NBEA: variants seen among roughly 807,000 people sequenced by gnomAD.
NBEA encodes the protein lysosomal-trafficking regulator 2.
In NBEA, 44 loss-of-function variants were observed where a neutral mutation model predicts 343.4. The ratio of observed to expected loss-of-function variants is 0.13; its 90% CI spans 0.10 to 0.16. NBEA has a LOEUF of 0.16. Among genes scored for constraint, NBEA ranks in the 10% least tolerant of loss-of-function variants. The probability of loss-of-function intolerance (pLI) is 1.00; values close to 1 mark genes in which losing one functional copy is unlikely to be tolerated. For missense variants in NBEA, 2,555 were observed against 3,631.3 expected (o/e 0.70, Z 7.62); for synonymous variants, 1,175 against 1,238.7 (o/e 0.95, Z 1.08).
chr13:35,124,497 TAC>T lies in NBEA; in HGVS notation c.2336+944_2336+945del, dbSNP rs375090464. Among the ~76,000 whole-genome samples, 642 of 145,956 alleles carry T rather than the reference TAC, an allele frequency of 4.4e-3. 1 individual carries two copies. The highest frequency in any genetic ancestry group is 8.6e-3 in the East Asian group (43 of 4,972). ...AGAAAAGGATATATATGTGTGTGTA[TAC>T]ACACACACACACACACACACGGATA... On this transcript the variant is annotated intron_variant, in intron 17 of 58. Coordinates refer to ENST00000379939, the MANE Select transcript of NBEA (RefSeq NM_001385012.1).
At chr13:35,351,854 T>G (rs1327604628) in intron 37 of NBEA, among the ~76,000 whole-genome samples, 1 of 152,084 alleles carries the variant, frequency 6.6e-6, no homozygotes, top group Non-Finnish European at 1.5e-5. Context: ...CAAGTAGGTT[T>G]ACATTTATAG....
chr13:35,263,789 G>A (rs964149134), intron 34 of NBEA, among the ~76,000 whole-genome samples: 5 of 151,816 alleles, frequency 3.3e-5, no homozygotes, highest in African/African-American at 1.2e-4. Flanking sequence ...GATCTCAGAG[G>A]GAATTTTACA....
chr13:35,356,849 T>C (rs1365316836), intron 38 of NBEA, among the ~76,000 whole-genome samples: 1 of 152,152 alleles, frequency 6.6e-6, no homozygotes, highest in Non-Finnish European at 1.5e-5. Flanking sequence ...CTGCATGATA[T>C]ACTCAGATAG....
At chr13:35,026,772 T>C (rs2062033075) in intron 1 of NBEA, among the ~76,000 whole-genome samples, 4 of 152,110 alleles carry the variant, frequency 2.6e-5, no homozygotes, top group Admixed American at 2.6e-4. Context: ...AAAATTAACA[T>C]TAATAATATA....
intron 38 of NBEA, among the ~76,000 whole-genome samples, chr13:35,428,636 T>C (rs2152928755): frequency 6.6e-6 from 1 of 152,310 alleles, no homozygotes; most frequent in Admixed American, 6.5e-5. Context: ...TTCATTCATT[T>C]CAAGCATTTT....
Position 35,306,510 on chromosome 13 carries a change from T to A in NBEA, c.5839-3018T>A, listed in dbSNP as rs565249883. 3.3e-5 allele frequency among the ~76,000 whole-genome samples: 5 copies of A among 152,204 alleles called. No individual in the cohort carries two copies. The South Asian group carries it at 1.0e-3, about 32-fold the overall frequency. On this transcript the variant is annotated intron_variant, in intron 35 of 58. Transcript: ENST00000379939. The stretch of plus-strand genomic sequence containing the variant: ...TTTTAATGTATACAATATCTTCATA[T>A]GTCCCAGTTTTATTACTACATTTTT...
chr13:35,440,881 G>A (rs1783541992), intron 39 of NBEA, among the ~76,000 whole-genome samples: 1 of 152,154 alleles, frequency 6.6e-6, no homozygotes, highest in South Asian at 2.1e-4. Flanking sequence ...TTTCCCTGCT[G>A]TAAAGTTTAC....
chr13:34,952,738 C>G (rs1226098727), intron 1 of NBEA, among the ~76,000 whole-genome samples: 2 of 151,980 alleles, frequency 1.3e-5, no homozygotes, highest in Non-Finnish European at 2.9e-5. Context: ...GTAAAAATAT[C>G]TAGATATATT....
At chr13:35,323,881 C>T (rs1296329417) in intron 36 of NBEA, among the ~76,000 whole-genome samples, 1 of 152,084 alleles carries the variant, frequency 6.6e-6, no homozygotes, top group Non-Finnish European at 1.5e-5. Flanking sequence ...GTATTCATTT[C>T]TATGCCATAT....
At chr13:35,627,212 G>A (rs992190286) in intron 48 of NBEA, among the ~76,000 whole-genome samples, 2 of 152,142 alleles carry the variant, frequency 1.3e-5, no homozygotes, top group Non-Finnish European at 2.9e-5. Flanking sequence ...ACATGGCTCT[G>A]CAATAGCTGA....
intron 53 of NBEA, 83 bp from the exon 54 acceptor site, chr13:35,654,772 G>A: frequency 9.4e-7 from 1 of 1,064,778 alleles, no homozygotes; most frequent in Non-Finnish European, 1.3e-6. Context: ...AATGAAGCAT[G>A]AAAGTATTGT....
chr13:35,316,453 G>T (rs1442038233), intron 36 of NBEA, among the ~76,000 whole-genome samples: 3 of 152,070 alleles, frequency 2.0e-5, no homozygotes, highest in African/African-American at 7.2e-5. Context: ...TTACTTTATG[G>T]CTGCATAGTA....
At chr13:35,102,989 A>G (rs1196773376) in intron 11 of NBEA, among the ~76,000 whole-genome samples, 1 of 151,828 alleles carries the variant, frequency 6.6e-6, no homozygotes, top group Non-Finnish European at 1.5e-5. Flanking sequence ...TACACTAAGT[A>G]TGATATTTTT....
At chr13:35,163,355 C>T (rs147843878) in intron 23 of NBEA, among the ~76,000 whole-genome samples, 1 of 151,576 alleles carries the variant, frequency 6.6e-6, no homozygotes, top group East Asian at 1.9e-4. Flanking sequence ...ATTTTTTTCC[C>T]ATTAAAAAAC....
chr13:35,458,575 A>G (rs749894028), intron 40 of NBEA, among the ~76,000 whole-genome samples: 3 of 152,202 alleles, frequency 2.0e-5, no homozygotes, highest in African/African-American at 4.8e-5. Flanking sequence ...TGCTCATACT[A>G]ACTGAATTAT....
intron 34 of NBEA, among the ~76,000 whole-genome samples, chr13:35,259,930 G>A (rs2033054797): frequency 6.6e-6 from 1 of 152,114 alleles, no homozygotes. Flanking sequence ...GGAAAAAGAT[G>A]GCCAGTTGAT....
intron 11 of NBEA, among the ~76,000 whole-genome samples, chr13:35,105,724 A>G (rs1030604822): frequency 2.0e-5 from 3 of 152,010 alleles, no homozygotes; most frequent in African/African-American, 4.8e-5. Context: ...ACAACAACAC[A>G]TGATTAATCT....
At chr13:35,174,765 A>G (rs1201930723) in intron 27 of NBEA, among the ~76,000 whole-genome samples, 1 of 151,646 alleles carries the variant, frequency 6.6e-6, no homozygotes, top group Non-Finnish European at 1.5e-5. Flanking sequence ...GGCAGTGTCT[A>G]TGTGTTATAG....
At chr13:35,190,847 A>G (rs1250199343) in intron 30 of NBEA, among the ~76,000 whole-genome samples, 1 of 152,174 alleles carries the variant, frequency 6.6e-6, no homozygotes. Flanking sequence ...TAAACCAGCT[A>G]TTTTACATAT....
Sources: gnomAD v4.1 joint callset for allele counts (sites outside exome capture counted in the v4.1 genomes callset) on GRCh38, gnomAD v4.1.1 for gene constraint, MANE v1.5 for transcripts, NCBI Gene and HGNC (gene_info 2026-07-23, HGNC 2026-07-21) for gene names.